PLAC8L1: variants seen among roughly 807,000 people sequenced by gnomAD.
PLAC8L1 encodes PLAC8-like protein 1.
In PLAC8L1, 13 loss-of-function variants were observed where a neutral mutation model predicts 16.3. The ratio of observed to expected loss-of-function variants is 0.80; its 90% CI spans 0.52 to 1.27. The LOEUF (loss-of-function observed/expected upper bound fraction) is 1.27. PLAC8L1 is among the 50% of genes most tolerant of loss of function. The pLI, the probability that PLAC8L1 is intolerant of heterozygous loss-of-function variation, is 0.00. For synonymous variants in PLAC8L1, 78 were observed against 79.3 expected (o/e 0.98, Z 0.09); for missense variants, 184 against 220.2 (o/e 0.84, Z 1.04).
intron 2 of PLAC8L1, among the ~76,000 whole-genome samples, chr5:146,094,691 A>C (rs896518876): frequency 2.0e-5 from 3 of 152,226 alleles, no homozygotes; most frequent in African/African-American, 7.2e-5. Context: ...AGAGACACCC[A>C]TTTGCTAATC....
intron 2 of PLAC8L1, among the ~76,000 whole-genome samples, chr5:146,092,394 C>T (rs571569223): frequency 2.6e-5 from 4 of 152,246 alleles, no homozygotes; most frequent in Non-Finnish European, 4.4e-5. Context: ...TATACTCACA[C>T]ACATGCAAAA....
intron 1 of PLAC8L1, 61 bp downstream of exon 1, chr5:146,104,132 G>T (rs1763869515): frequency 5.0e-6 from 8 of 1,586,244 alleles, no homozygotes; most frequent in Non-Finnish European, 6.9e-6. Flanking sequence ...ATAAGTAGAG[G>T]TTGATTCGAT....
intron 2 of PLAC8L1, among the ~76,000 whole-genome samples, chr5:146,089,385 G>C (rs1002944926): frequency 6.6e-6 from 1 of 152,064 alleles, no homozygotes; most frequent in Non-Finnish European, 1.5e-5. Context: ...AGTTCACTAT[G>C]TACCAAGCCC....
At chr5:146,085,698 G>A in intron 2 of PLAC8L1, 101 bp from the exon 3 acceptor site, 2 of 1,259,442 alleles carry the variant, frequency 1.6e-6, no homozygotes, top group Non-Finnish European at 2.2e-6. Flanking sequence ...GTTTAATGCT[G>A]CACTGTCTCC....
At chr5:146,088,732 A>G (rs1561782522) in intron 2 of PLAC8L1, among the ~76,000 whole-genome samples, 1 of 152,134 alleles carries the variant, frequency 6.6e-6, no homozygotes, top group East Asian at 1.9e-4. Flanking sequence ...TAAGACTGGG[A>G]TATTTCACCC....
chr5:146,084,665 C>T, intron 3 of PLAC8L1, 93 bp from the exon 4 acceptor site: 6 of 1,486,642 alleles, frequency 4.0e-6, no homozygotes, highest in Non-Finnish European at 4.5e-6. Flanking sequence ...GGCCCTTCAA[C>T]CACAGCTTCC....
intron 1 of PLAC8L1, among the ~76,000 whole-genome samples, chr5:146,102,040 C>CT (rs36011275): frequency 0.034 from 4,414 of 130,454 alleles, 131 homozygotes; most frequent in African/African-American, 0.075. Context: ...TGTGTTTACC[C>CT]TTTTTTTTTT....
intron 2 of PLAC8L1, among the ~76,000 whole-genome samples, chr5:146,090,298 C>T (rs1403468390): frequency 2.0e-5 from 3 of 151,974 alleles, no homozygotes; most frequent in African/African-American, 7.2e-5. Flanking sequence ...CTTTGAGAGG[C>T]CGAGGCGGGT....
intron 1 of PLAC8L1, among the ~76,000 whole-genome samples, chr5:146,099,826 C>A (rs975699761): frequency 6.6e-6 from 1 of 152,068 alleles, no homozygotes. Flanking sequence ...TGATTTCTGG[C>A]AATAAAGCCA....
At chr5:146,101,298 AG>A (rs749902837) in intron 1 of PLAC8L1, among the ~76,000 whole-genome samples, 2 of 152,008 alleles carry the variant, frequency 1.3e-5, no homozygotes, top group Non-Finnish European at 2.9e-5. Flanking sequence ...ACTGCAAACC[AG>A]GAAGAAAGTC....
At chr5:146,098,495 G>A (rs1763754923) in intron 1 of PLAC8L1, among the ~76,000 whole-genome samples, 1 of 152,082 alleles carries the variant, frequency 6.6e-6, no homozygotes, top group Non-Finnish European at 1.5e-5. Context: ...TCTATTAATG[G>A]AATTATTGTT....
Position 146,098,140 on chromosome 5 carries a change from A to G in PLAC8L1, c.256+16T>C, listed in dbSNP as rs367556631. 2.4e-5 allele frequency: 39 copies of G among 1,602,812 alleles called. No individual in the cohort carries two copies. The East Asian group carries it at 8.7e-4, about 36-fold the overall frequency. On this transcript the variant is annotated intron_variant, in intron 2 of 3. Coordinates refer to ENST00000311450, the MANE Select transcript of PLAC8L1 (RefSeq NM_001029869.3). ...AAAATAGTAAGGAGGAACTTAAATA[A>G]GGAGGAAAAACTTACAAATTCTCCT...
rs771782006 is a variant in PLAC8L1 at position 146,104,225 on chromosome 5, T to A, written c.87A>T (p.Ser29=). 2 of 1,613,794 alleles carry A rather than the reference T, an allele frequency of 1.2e-6. No individual in the cohort carries two copies. Among genetic ancestry groups the A allele is most frequent in the East Asian group, 4.5e-5 (2 of 44,862 alleles). ...NIYSPLLSHM[S]SEDEHFISNL... ...TGGAAATAAAATGTTCATCTTCAGA[T>A]GACATGTGTGACAACAGAGGTGAGT... The change falls in exon 1 of 4, where the codon TCA becomes TCT. Residue 29 remains serine (S), a synonymous_variant. Coordinates refer to ENST00000311450, the MANE Select transcript of PLAC8L1 (RefSeq NM_001029869.3).
intron 2 of PLAC8L1, among the ~76,000 whole-genome samples, chr5:146,089,812 C>A (rs1763581933): frequency 6.6e-6 from 1 of 150,580 alleles, no homozygotes; most frequent in Non-Finnish European, 1.5e-5. Flanking sequence ...AATCTCAGCT[C>A]ACTGCAACCT....
At chr5:146,103,131 T>G (rs139815768) in intron 1 of PLAC8L1, among the ~76,000 whole-genome samples, 3 of 152,266 alleles carry the variant, frequency 2.0e-5, no homozygotes, top group Non-Finnish European at 4.4e-5. Context: ...GGTGACAGGA[T>G]TGCTTAAATC....
At chr5:146,098,016 A>C in intron 2 of PLAC8L1, 140 bp downstream of exon 2, 1 of 1,012,784 alleles carries the variant, frequency 9.9e-7, no homozygotes. Flanking sequence ...CAAGGAGTAC[A>C]TTTGAGTCAC....
intron 2 of PLAC8L1, among the ~76,000 whole-genome samples, chr5:146,095,008 TC>T (rs1763687291): frequency 6.6e-6 from 1 of 151,994 alleles, no homozygotes; most frequent in African/African-American, 2.4e-5. Flanking sequence ...GATAAAACAA[TC>T]CCCAATTAAA....
intron 2 of PLAC8L1, among the ~76,000 whole-genome samples, chr5:146,093,414 G>A (rs915279856): frequency 1.3e-5 from 2 of 152,146 alleles, no homozygotes; most frequent in Non-Finnish European, 2.9e-5. Flanking sequence ...AAGGAAATGA[G>A]CCCTCCTCCC....
chr5:146,098,124 AG>A, intron 2 of PLAC8L1, 31 bp downstream of exon 2: 1 of 1,589,382 alleles, frequency 6.3e-7, no homozygotes, highest in Non-Finnish European at 8.6e-7. Context: ...GAAAATAGTA[AG>A]GAGGAACTTA....
Sources: allele counts gnomAD v4.1 joint callset (sites outside exome capture counted in the v4.1 genomes callset), GRCh38; gene constraint gnomAD v4.1.1; transcripts MANE v1.5; gene names NCBI Gene and HGNC (gene_info 2026-07-23, HGNC 2026-07-21).